Variants in METTL15 observed in about 807,000 individuals in gnomAD.
The protein encoded by METTL15 is methyltransferase 15, mitochondrial 12S rRNA N4-cytidine.
A neutral mutation model predicts 38.3 loss-of-function variants in METTL15; 34 were observed. The observed-to-expected ratio is 0.89, with a 90% CI of 0.68 to 1.18. The LOEUF (loss-of-function observed/expected upper bound fraction) is 1.18. Ranked by LOEUF, METTL15 falls within the 50% of genes most tolerant of loss-of-function variation. The pLI is 0.00. For missense variants in METTL15, 438 were observed against 498.4 expected (o/e 0.88, Z 1.15); for synonymous variants, 162 against 170.9 (o/e 0.95, Z 0.41).
intron 4 of METTL15, among the ~76,000 whole-genome samples, chr11:28,256,496 C>G (rs987480479): frequency 1.3e-5 from 2 of 152,052 alleles, no homozygotes; most frequent in Admixed American, 6.6e-5. Context: ...GGCATATAGT[C>G]ATTCATAGTA....
chr11:28,270,825 T>G (rs969575712), intron 4 of METTL15, among the ~76,000 whole-genome samples: 1 of 152,166 alleles, frequency 6.6e-6, no homozygotes, highest in Admixed American at 6.6e-5. Context: ...AGTACAGGCT[T>G]TAGAATCATA....
intron 4 of METTL15, among the ~76,000 whole-genome samples, chr11:28,278,180 A>G (rs962340474): frequency 1.1e-4 from 16 of 152,106 alleles, no homozygotes; most frequent in Non-Finnish European, 2.1e-4. Context: ...TAGGCCTTAT[A>G]TGAGAGAGAG....
At chr11:28,346,857 G>T (rs970891581) in intron 3 of METTL15, among the ~76,000 whole-genome samples, 2 of 152,094 alleles carry the variant, frequency 1.3e-5, no homozygotes, top group African/African-American at 4.8e-5. Context: ...TATTATTGAG[G>T]TTAGCCTCCA....
At position 28,332,240 on chromosome 11, in the gene METTL15, A is replaced by G. The variant is rs1227742866; in HGVS notation, c.*1399A>G. The G allele has an allele frequency of 2.0e-5, 3 of 152,324 alleles. No homozygotes were observed. In the East Asian group the frequency reaches 5.8e-4, roughly 29 times the overall value. The allele number at this position is 152,324 out of a possible 1,614,324, so 9.4% of individuals were successfully genotyped here. ...AATCAGAATTAGGAAAAAAATCTGG[A>G]GAACAATATGGTTGAAATAGAAACA... On this transcript the variant is annotated 3_prime_UTR_variant, in exon 7 of 7. Coordinates refer to ENST00000407364, the MANE Select transcript of METTL15 (RefSeq NM_001113528.2).
At chr11:28,501,306 G>C (rs954735159) in intron 6 of METTL15, among the ~76,000 whole-genome samples, 5 of 152,106 alleles carry the variant, frequency 3.3e-5, no homozygotes, top group Admixed American at 6.5e-5. Flanking sequence ...CCTCTTTCCT[G>C]CTTAAGATTC....
At chr11:28,206,533 A>G (rs948185125) in intron 3 of METTL15, among the ~76,000 whole-genome samples, 1 of 151,640 alleles carries the variant, frequency 6.6e-6, no homozygotes, top group Non-Finnish European at 1.5e-5. Context: ...GTTTGAAGTC[A>G]GGTAGCGTGA....
chr11:28,111,251 A>G (rs1170938539), intron 2 of METTL15, among the ~76,000 whole-genome samples: 3 of 152,192 alleles, frequency 2.0e-5, no homozygotes, highest in Non-Finnish European at 2.9e-5. Flanking sequence ...AATTAAATGC[A>G]AGTGATAGCG....
intron 4 of METTL15, among the ~76,000 whole-genome samples, chr11:28,283,878 A>T (rs534013388): frequency 1.3e-5 from 2 of 152,330 alleles, no homozygotes; most frequent in African/African-American, 4.8e-5. Context: ...TAAAATGCAC[A>T]TGCAAAAATA....
At chr11:28,401,086 CTAAAG>C (rs1465438032) in intron 5 of METTL15, among the ~76,000 whole-genome samples, 1 of 151,980 alleles carries the variant, frequency 6.6e-6, no homozygotes, top group African/African-American at 2.4e-5. Context: ...GTAATTCTTC[CTAAAG>C]TAAATGACAT....
chr11:28,495,219 A>G (rs1851526433), intron 6 of METTL15, among the ~76,000 whole-genome samples: 1 of 152,332 alleles, frequency 6.6e-6, no homozygotes, highest in South Asian at 2.1e-4. Context: ...TTGTAAAGCC[A>G]TATGGTAACT....
At chr11:28,294,181 G>C (rs2133996544) in intron 5 of METTL15, among the ~76,000 whole-genome samples, 1 of 152,284 alleles carries the variant, frequency 6.6e-6, no homozygotes, top group East Asian at 1.9e-4. Flanking sequence ...GTATGATATT[G>C]GCTGTGGGTT....
intron 6 of METTL15, among the ~76,000 whole-genome samples, chr11:28,310,958 G>GT (rs1857269938): frequency 2.4e-5 from 3 of 124,926 alleles, no homozygotes; most frequent in African/African-American, 1.0e-4. Flanking sequence ...TGGTGGTGGT[G>GT]GTGGTGGGTG....
chr11:28,515,643 T>A (rs2133505478), intron 6 of METTL15, among the ~76,000 whole-genome samples: 1 of 152,352 alleles, frequency 6.6e-6, no homozygotes, highest in East Asian at 1.9e-4. Context: ...GTTGAGCAGT[T>A]ATGACAGAGA....
At chr11:28,124,774 C>A (rs949204327) in intron 3 of METTL15, among the ~76,000 whole-genome samples, 3 of 152,084 alleles carry the variant, frequency 2.0e-5, no homozygotes, top group Non-Finnish European at 2.9e-5. Flanking sequence ...TTACTCTTAA[C>A]TTTGTAGCAG....
intron 3 of METTL15, among the ~76,000 whole-genome samples, chr11:28,136,281 G>A (rs1590787330): frequency 1.3e-5 from 2 of 152,074 alleles, no homozygotes; most frequent in South Asian, 2.1e-4. Flanking sequence ...AATCATGGGG[G>A]CAATTTTCCC....
intron 6 of METTL15, among the ~76,000 whole-genome samples, chr11:28,466,530 T>G (rs149568989): frequency 1.8e-3 from 268 of 152,280 alleles, no homozygotes; most frequent in Middle Eastern, 3.4e-3. Context: ...GAAGTGTTAG[T>G]GCAGTTCTCA....
intron 3 of METTL15, among the ~76,000 whole-genome samples, chr11:28,198,526 T>C (rs1851990038): frequency 6.6e-6 from 1 of 152,164 alleles, no homozygotes; most frequent in African/African-American, 2.4e-5. Context: ...CCAATACTTC[T>C]GATAAAATGG....
chr11:28,237,887 G>A (rs963720101), intron 4 of METTL15, among the ~76,000 whole-genome samples: 2 of 152,172 alleles, frequency 1.3e-5, no homozygotes, highest in Non-Finnish European at 2.9e-5. Context: ...CTGTTTGCCT[G>A]GGTATCAGCA....
chr11:28,469,388 G>A (rs1195993910), intron 6 of METTL15, among the ~76,000 whole-genome samples: 2 of 151,988 alleles, frequency 1.3e-5, no homozygotes, highest in Non-Finnish European at 2.9e-5. Flanking sequence ...CCATTCCATC[G>A]GCACACATAG....
Sources: gnomAD v4.1 joint callset for allele counts (sites outside exome capture counted in the v4.1 genomes callset) on GRCh38, gnomAD v4.1.1 for gene constraint, MANE v1.5 for transcripts, NCBI Gene and HGNC (gene_info 2026-07-23, HGNC 2026-07-21) for gene names.